ADGRA2: variants seen among roughly 807,000 people sequenced by gnomAD.
The protein encoded by ADGRA2 is G-protein coupled receptor 124.
A neutral mutation model predicts 98.7 loss-of-function variants in ADGRA2; 61 were observed. The observed-to-expected ratio is 0.62, with a 90% CI of 0.50 to 0.76. The LOEUF is 0.76. ADGRA2 is among the 30% of genes least tolerant of loss of function. The pLI is 0.00. For missense variants in ADGRA2, 1,712 were observed against 1,860.0 expected (o/e 0.92, Z 1.46); for synonymous variants, 858 against 831.5 (o/e 1.03, Z -0.55).
At chr8:37,839,997 TG>T in intron 16 of ADGRA2, 123 bp from the exon 17 acceptor site, 1 of 854,996 alleles carries the variant, frequency 1.2e-6, no homozygotes, top group Non-Finnish European at 1.8e-6. Context: ...GGGAGTGGGC[TG>T]GGTAAAGTAA....
intron 8 of ADGRA2, among the ~76,000 whole-genome samples, chr8:37,832,103 G>A (rs1246979536): frequency 6.8e-6 from 1 of 146,536 alleles, no homozygotes; most frequent in African/African-American, 2.6e-5. Context: ...CATCTGAGAT[G>A]TGCTGCAGAA....
At chr8:37,840,064 C>T in intron 16 of ADGRA2, 57 bp from the exon 17 acceptor site, 1 of 1,479,188 alleles carries the variant, frequency 6.8e-7, no homozygotes. Flanking sequence ...GACTGAAGCT[C>T]TGGGAGGGTC....
intron 1 of ADGRA2, among the ~76,000 whole-genome samples, chr8:37,808,927 C>T (rs753497373): frequency 2.0e-5 from 3 of 152,184 alleles, no homozygotes; most frequent in African/African-American, 7.2e-5. Flanking sequence ...CAGGTTCAAG[C>T]GATTCTCCTG....
chr8:37,842,350 G>A lies in ADGRA2; in HGVS notation c.4012G>A (p.Val1338Ile), dbSNP rs1265327308. 3 of 1,478,972 alleles carry A rather than the reference G, an allele frequency of 2.0e-6. No individual in the cohort carries two copies. In the African/African-American group the frequency reaches 4.4e-5, roughly 22 times the overall value. 91.6% of individuals were successfully genotyped at this position (1,478,972 alleles called of 1,614,324 possible). A position where few individuals can be genotyped will look rare whatever the true frequency, so the allele number is the denominator to read the frequency against. ...KTGLWKSETT[V>I] ...CGGACTCTGGAAGAGCGAAACTACC[G>A]TCTAAGGTGGGGCGGGCGACGCGGT... The change falls in exon 19 of 19, where the codon GTC becomes ATC. Residue 1338 changes from valine to isoleucine, a missense_variant. By Grantham distance (29) the Val-to-Ile change is conservative (BLOSUM62 3). Transcript: ENST00000412232.
At chr8:37,825,711 G>A (rs983391817) in intron 2 of ADGRA2, among the ~76,000 whole-genome samples, 6 of 152,164 alleles carry the variant, frequency 3.9e-5, no homozygotes, top group Non-Finnish European at 7.4e-5. Flanking sequence ...AGACCTGCAG[G>A]TCCCAAAAAT....
chr8:37,841,049 C>T lies in ADGRA2; in HGVS notation c.2748-37C>T. On this transcript the variant is annotated intron_variant, in intron 18 of 18. Transcript: ENST00000412232. This position sits in a 1 kb window ranked among gnomAD's most constrained non-coding sequence, Gnocchi z 5.0. ...GGCCCCCAGCCCCACCCCAGCCATGCCCCCTGTCCTCATCACTGCTTCTGT... is the reference window on the plus strand; with the variant it reads ...GGCCCCCAGCCCCACCCCAGCCATGTCCCCTGTCCTCATCACTGCTTCTGT... 6.5e-7 allele frequency: 1 copy of T among 1,549,008 alleles called. No individual in the cohort carries two copies. The highest frequency in any genetic ancestry group is 8.7e-7 in the Non-Finnish European group (1 of 1,144,640).
Position 37,844,428 on chromosome 8 carries a change from G to C in ADGRA2, c.*2073G>C. Reference sequence around the variant, plus strand: ...CGGACTGGTGTACACTTCCATCCTTGGTTATAACAGGAATGTTATCAAGCT... The same window carrying C: ...CGGACTGGTGTACACTTCCATCCTTCGTTATAACAGGAATGTTATCAAGCT... On this transcript the variant is annotated 3_prime_UTR_variant, in exon 19 of 19. Coordinates refer to ENST00000412232, the MANE Select transcript of ADGRA2 (RefSeq NM_032777.10). The C allele has an allele frequency of 2.5e-6, 4 of 1,569,350 alleles. No individual in the cohort carries two copies. In the East Asian group the frequency reaches 6.7e-5, roughly 26 times the overall value.
Position 37,802,578 on chromosome 8 carries a change from C to T in ADGRA2, c.266+5044C>T, listed in dbSNP as rs1278561013. Among the ~76,000 whole-genome samples, 1 of 152,182 alleles carries T rather than the reference C, an allele frequency of 6.6e-6. No individual in the cohort carries two copies. Among genetic ancestry groups the T allele is most frequent in the African/African-American group, 2.4e-5 (1 of 41,444 alleles). On this transcript the variant is annotated intron_variant, in intron 1 of 18. Coordinates refer to ENST00000412232, the MANE Select transcript of ADGRA2 (RefSeq NM_032777.10). The surrounding 1 kb of genome is among the most constrained non-coding windows in gnomAD (Gnocchi z 4.7). Reference sequence around the variant, plus strand: ...GGTGCAGGTCTTAGCTGCGGCACCCCCACCCGGGCTCCGGGACCTCGCCTG... The same window carrying T: ...GGTGCAGGTCTTAGCTGCGGCACCCTCACCCGGGCTCCGGGACCTCGCCTG...
chr8:37,832,928 G>T, intron 8 of ADGRA2, 82 bp from the exon 9 acceptor site: 1 of 1,088,716 alleles, frequency 9.2e-7, no homozygotes, highest in Non-Finnish European at 1.4e-6. Flanking sequence ...CAAGGAGTCC[G>T]GCCTCACCGT....
intron 13 of ADGRA2, among the ~76,000 whole-genome samples, chr8:37,837,496 G>A (rs1387115206): frequency 6.6e-6 from 1 of 152,188 alleles, no homozygotes; most frequent in African/African-American, 2.4e-5. Flanking sequence ...ACTCAGGGTG[G>A]GCCACCACAG....
At chr8:37,829,187 C>A in intron 3 of ADGRA2, 74 bp from the exon 4 acceptor site, 1 of 1,124,754 alleles carries the variant, frequency 8.9e-7, no homozygotes, top group Non-Finnish European at 1.4e-6. Context: ...CCTGGCCCCA[C>A]CCATGTGTTC....
chr8:37,841,476 C>T lies in ADGRA2; in HGVS notation c.3138C>T (p.Pro1046=), dbSNP rs761523083. Residue 1046 remains proline, a synonymous_variant, in exon 19 of 19, where the codon CCC becomes CCT. Transcript: ENST00000412232. This position sits in a 1 kb window ranked among gnomAD's most constrained non-coding sequence, Gnocchi z 5.0. ...GALAVSQRWL[P]RVVCSCLYGV... The stretch of plus-strand genomic sequence containing the variant: ...TGGCAGTGTCCCAGCGCTGGCTGCC[C>T]CGGGTGGTGTGCAGCTGCTTGTACG... The T allele has an allele frequency of 3.7e-6, 6 of 1,612,900 alleles. No homozygotes were observed. The highest frequency in any genetic ancestry group is 1.7e-5 in the Admixed American group (1 of 59,964).
Position 37,841,363 on chromosome 8 carries a change from G to T in ADGRA2, c.3025G>T (p.Gly1009Cys). 4 of 1,608,536 alleles carry T rather than the reference G, an allele frequency of 2.5e-6. No individual in the cohort carries two copies. Among genetic ancestry groups the T allele is most frequent in the Non-Finnish European group, 2.5e-6 (3 of 1,177,914 alleles). ...RVGTPGPPED[G>C]DSLYSPGVQL... ...GGGGACGCCCGGGCCCCCGGAGGAT[G>T]GTGACAGCCTCTATTCTCCGGGAGT... Residue 1009 changes from glycine (G) to cysteine (C), a missense_variant, in exon 19 of 19, where the codon GGT becomes TGT. Coordinates refer to ENST00000412232, the MANE Select transcript of ADGRA2 (RefSeq NM_032777.10). The surrounding 1 kb of genome is among the most constrained non-coding windows in gnomAD (Gnocchi z 5.0).
In ADGRA2 at chr8:37,833,006, C is replaced by T. The variant is rs776493599; in HGVS notation, c.1098-4C>T. On this transcript the variant is annotated splice_region_variant and splice_polypyrimidine_tract_variant and intron_variant, in intron 8 of 18. Transcript: ENST00000412232. ...CATCGGCAACTTCCTGCCTCTCCCC[C>T]CAGGTGGCCCCGAACTCTGGCTGGC... The T allele has an allele frequency of 1.9e-6, 3 of 1,610,422 alleles. No homozygotes were observed. Among genetic ancestry groups the T allele is most frequent in the African/African-American group, 1.3e-5 (1 of 74,846 alleles).
Position 37,842,558 on chromosome 8 carries a change from C to G in ADGRA2, c.*203C>G. On this transcript the variant is annotated 3_prime_UTR_variant, in exon 19 of 19. Coordinates refer to ENST00000412232, the MANE Select transcript of ADGRA2 (RefSeq NM_032777.10). ...GACAATCCCAGAAACACGCATAATA[C>G]ATTTCCGTCCAGCCCGGGGCAGTCT... 1.1e-6 allele frequency: 1 copy of G among 874,224 alleles called. No individual in the cohort carries two copies. Among genetic ancestry groups the G allele is most frequent in the Non-Finnish European group, 1.6e-6 (1 of 636,884 alleles). The allele number at this position is 874,224 out of a possible 1,614,324, so 54.2% of individuals were successfully genotyped here.
chr8:37,808,594 G>T (rs1474999541), intron 1 of ADGRA2, among the ~76,000 whole-genome samples: 1 of 151,160 alleles, frequency 6.6e-6, no homozygotes, highest in Non-Finnish European at 1.5e-5. Context: ...GTGTGCATGG[G>T]CCTGCGTGCA....
At chr8:37,809,396 T>G (rs965877452) in intron 1 of ADGRA2, among the ~76,000 whole-genome samples, 5 of 151,940 alleles carry the variant, frequency 3.3e-5, no homozygotes, top group African/African-American at 1.2e-4. Context: ...CTCTGGAGAA[T>G]AGAACCAGCA....
rs1804914024 is a variant in ADGRA2 at position 37,814,035 on chromosome 8, A to C, written c.267-861A>C. On this transcript the variant is annotated intron_variant, in intron 1 of 18. Coordinates refer to ENST00000412232, the MANE Select transcript of ADGRA2 (RefSeq NM_032777.10). This position sits in a 1 kb window ranked among gnomAD's most constrained non-coding sequence, Gnocchi z 4.3. Reference sequence around the variant, plus strand: ...GAGACCCTTTGCCTCAGCCCAGGGCAGGCAAGAGTTTGGGCGGAGAGGCTC... The same window carrying C: ...GAGACCCTTTGCCTCAGCCCAGGGCCGGCAAGAGTTTGGGCGGAGAGGCTC... Among the ~76,000 whole-genome samples, 1 of 152,248 alleles carries C rather than the reference A, an allele frequency of 6.6e-6. No individual in the cohort carries two copies. Among genetic ancestry groups the C allele is most frequent in the Non-Finnish European group, 1.5e-5 (1 of 68,042 alleles).
chr8:37,842,056 G>T lies in ADGRA2; in HGVS notation c.3718G>T (p.Ala1240Ser). Residue 1240 changes from alanine to serine, a missense_variant, in exon 19 of 19, where the codon GCC becomes TCC. Ala to Ser is a moderately conservative substitution (Grantham distance 99, BLOSUM62 1). Coordinates refer to ENST00000412232, the MANE Select transcript of ADGRA2 (RefSeq NM_032777.10). ...GGGCAGCAGCCGCAACAGCCCGGGC[G>T]CCGGCCTGCAGCTGGAAGGCGAGCC... ...YLGSSRNSPG[A>S]GLQLEGEPML... 6.6e-7 allele frequency: 1 copy of T among 1,516,858 alleles called. No homozygotes were observed. The highest frequency in any genetic ancestry group is 2.0e-4 in the Middle Eastern group (1 of 5,068). The allele number at this position is 1,516,858 out of a possible 1,614,324, so 94.0% of individuals were successfully genotyped here. A position where few individuals can be genotyped will look rare whatever the true frequency, so the allele number is the denominator to read the frequency against.
Sources: allele counts gnomAD v4.1 joint callset (sites outside exome capture counted in the v4.1 genomes callset), GRCh38; gene constraint gnomAD v4.1.1; non-coding constraint Gnocchi (gnomAD v3.1); transcripts MANE v1.5; gene names NCBI Gene and HGNC (gene_info 2026-07-23, HGNC 2026-07-21).